AK2: variants seen among roughly 807,000 people sequenced by gnomAD.
The protein encoded by AK2 is adenylate kinase 2, also known as adenylate kinase 2, mitochondrial.
In AK2, 15 loss-of-function variants were observed where a neutral mutation model predicts 24.6. The observed-to-expected ratio is 0.61, with a 90% CI of 0.41 to 0.94. The LOEUF is 0.94. AK2 is among the 40% of genes least tolerant of loss of function. The probability of loss-of-function intolerance (pLI) is 0.00; values close to 1 mark genes in which losing one functional copy is unlikely to be tolerated. For missense variants in AK2, 257 were observed against 304.1 expected (o/e 0.85, Z 1.15); for synonymous variants, 102 against 114.0 (o/e 0.90, Z 0.67).
chr1:33,020,283 T>A, intron 4 of AK2: 2 of 768,312 alleles, frequency 2.6e-6, no homozygotes, highest in South Asian at 1.8e-5. Flanking sequence ...TTTGTACAGA[T>A]GGTTATATTA....
chr1:33,010,933 A>G lies in AK2; in HGVS notation c.*2248T>C, dbSNP rs1055154777. The G allele has an allele frequency of 8.8e-6, 14 of 1,586,454 alleles. No homozygotes were observed. The African/African-American group carries it at 1.5e-4, about 17-fold the overall frequency. On this transcript the variant is annotated 3_prime_UTR_variant, in exon 6 of 6. Coordinates refer to ENST00000672715, the MANE Select transcript of AK2 (RefSeq NM_001625.4). ...GTAAGCCCCAGCAACCAAATGCATT[A>G]AACACTGGACATTTCTGTGACAGGT...
chr1:33,024,903 C>A (rs1639777276), intron 1 of AK2, among the ~76,000 whole-genome samples: 1 of 152,142 alleles, frequency 6.6e-6, no homozygotes, highest in Non-Finnish European at 1.5e-5. Context: ...AATGGGAAGA[C>A]TTGCTGGGCA....
rs1208015844 is a variant in AK2 at position 33,012,349 on chromosome 1, GA to G, written c.*831del. ...GTGCCTTTTTCCTTCCACCTAGGGG[GA>G]AAAAATTAATGATCCCTGTTCACAC... On this transcript the variant is annotated 3_prime_UTR_variant, in exon 6 of 6. Transcript: ENST00000672715. 15 of 1,528,760 alleles carry G rather than the reference GA, an allele frequency of 9.8e-6. No individual in the cohort carries two copies. In the East Asian group the frequency reaches 3.0e-4, roughly 30 times the overall value. 94.7% of individuals were successfully genotyped at this position (1,528,760 alleles called of 1,614,324 possible). A position where few individuals can be genotyped will look rare whatever the true frequency, so the allele number is the denominator to read the frequency against.
chr1:33,008,964 T>C lies in AK2; in HGVS notation c.*4217A>G, dbSNP rs1334541862. 4.4e-6 allele frequency: 2 copies of C among 453,934 alleles called. No homozygotes were observed. The highest frequency in any genetic ancestry group is 6.9e-5 in the East Asian group (1 of 14,410). 28.1% of individuals were successfully genotyped at this position (453,934 alleles called of 1,614,324 possible). ...TGACAAACATTTCCCCACAATTAGA[T>C]GCATGATGACCAAGGGAGGAAAGAA... On this transcript the variant is annotated 3_prime_UTR_variant, in exon 6 of 6. Transcript: ENST00000672715.
rs574939661 is a variant in AK2 at position 33,014,336 on chromosome 1, C to A, written c.498+186G>T. On this transcript the variant is annotated intron_variant, in intron 5 of 5. Coordinates refer to ENST00000672715, the MANE Select transcript of AK2 (RefSeq NM_001625.4). ...AGCAACCTTGAGGCCAAGCAATAAA[C>A]CACCTGAGGAGACACTGAATAGATC... The A allele has an allele frequency of 2.8e-5, 15 of 541,916 alleles. No homozygotes were observed. The East Asian group carries it at 5.7e-4, about 21-fold the overall frequency. The allele number at this position is 541,916 out of a possible 1,614,324, so 33.6% of individuals were successfully genotyped here. A position where few individuals can be genotyped will look rare whatever the true frequency, so the allele number is the denominator to read the frequency against.
chr1:33,018,342 CG>C (rs1481200540), intron 4 of AK2, among the ~76,000 whole-genome samples: 2 of 151,988 alleles, frequency 1.3e-5, no homozygotes, highest in Non-Finnish European at 2.9e-5. Flanking sequence ...GTGTGAGGTC[CG>C]GGGTGCATTC....
chr1:33,014,441 TG>T, intron 5 of AK2, 80 bp downstream of exon 5: 1 of 1,115,146 alleles, frequency 9.0e-7, no homozygotes, highest in Non-Finnish European at 1.4e-6. Flanking sequence ...AAAAGGAAGA[TG>T]GAAAGAATAA....
In AK2 at chr1:33,035,490, G is replaced by A. The variant is rs1381469239; in HGVS notation, c.93+1246C>T. Among the ~76,000 whole-genome samples, 6 of 152,298 alleles carry A rather than the reference G, an allele frequency of 3.9e-5. No individual in the cohort carries two copies. In the East Asian group the frequency reaches 9.6e-4, roughly 24 times the overall value. On this transcript the variant is annotated intron_variant, in intron 1 of 5. Transcript: ENST00000672715. ...CTAGGAAGAGAAAAGCGGGCACAGG[G>A]CAGTCCTCAGATTCCCTTTCATTTG... is the stretch of plus-strand genomic sequence containing the variant.
chr1:33,014,454 G>T, intron 5 of AK2, 68 bp downstream of exon 5: 2 of 1,276,770 alleles, frequency 1.6e-6, no homozygotes, highest in African/African-American at 1.5e-5. Flanking sequence ...AAAGAATAAA[G>T]GAAAAAGAAA....
In AK2 at chr1:33,011,754, C is replaced by T; in HGVS notation, c.*1427G>A. 2 of 1,391,186 alleles carry T rather than the reference C, an allele frequency of 1.4e-6. No homozygotes were observed. Among genetic ancestry groups the T allele is most frequent in the Non-Finnish European group, 1.9e-6 (2 of 1,056,804 alleles). The allele number at this position is 1,391,186 out of a possible 1,614,324, so 86.2% of individuals were successfully genotyped here. On this transcript the variant is annotated 3_prime_UTR_variant, in exon 6 of 6. Transcript: ENST00000672715. ...ACCAGAGACCAAAAGACAGCAGGGA[C>T]CTTAGAAAATGCTCAATAGTTGGGA...
Position 33,010,885 on chromosome 1 carries a change from T to C in AK2, c.*2296A>G. On this transcript the variant is annotated 3_prime_UTR_variant, in exon 6 of 6. Transcript: ENST00000672715. ...ACAAAATGGGTTTTTAAAAACCAAG[T>C]ACATATCAGAGGAGGCTGGCATGTA... The C allele has an allele frequency of 1.2e-6, 2 of 1,613,204 alleles. No individual in the cohort carries two copies. The highest frequency in any genetic ancestry group is 2.2e-5 in the East Asian group (1 of 44,876).
Position 33,010,689 on chromosome 1 carries a change from C to T in AK2, c.*2492G>A. ...CACTACAATAACACTGCTGTTGTTCCAAGTATTCCTCTGAGCCCCTCACCA... is the reference window on the plus strand; with the variant it reads ...CACTACAATAACACTGCTGTTGTTCTAAGTATTCCTCTGAGCCCCTCACCA... On this transcript the variant is annotated 3_prime_UTR_variant, in exon 6 of 6. Coordinates refer to ENST00000672715, the MANE Select transcript of AK2 (RefSeq NM_001625.4). The T allele has an allele frequency of 4.4e-6, 7 of 1,600,108 alleles. No individual in the cohort carries two copies. Among genetic ancestry groups the T allele is most frequent in the Non-Finnish European group, 6.0e-6 (7 of 1,171,786 alleles).
At chr1:33,024,296 G>A in intron 2 of AK2, 146 bp downstream of exon 2, 2 of 1,129,070 alleles carry the variant, frequency 1.8e-6, no homozygotes, top group Non-Finnish European at 2.6e-6. Flanking sequence ...GTAAATACTT[G>A]AAATATGGCT....
intron 2 of AK2, 110 bp downstream of exon 2, chr1:33,024,332 C>T (rs1482240846): frequency 2.8e-6 from 4 of 1,430,472 alleles, no homozygotes; most frequent in African/African-American, 2.8e-5. Flanking sequence ...CTGATTTTTA[C>T]ATTAATTAAA....
Position 33,008,104 on chromosome 1 carries a change from G to A in AK2, c.*5077C>T, listed in dbSNP as rs1022951986. 1.5e-5 allele frequency: 7 copies of A among 453,996 alleles called. No individual in the cohort carries two copies. Among genetic ancestry groups the A allele is most frequent in the Non-Finnish European group, 2.6e-5 (6 of 226,830 alleles). The allele number at this position is 453,996 out of a possible 1,614,324, so 28.1% of individuals were successfully genotyped here. ...GGGGATCCTTAGCCTGGTTCCGGATGGTCAGTAAGACAACTTTCTTCAATG... is the reference window on the plus strand; with the variant it reads ...GGGGATCCTTAGCCTGGTTCCGGATAGTCAGTAAGACAACTTTCTTCAATG... On this transcript the variant is annotated 3_prime_UTR_variant, in exon 6 of 6. Coordinates refer to ENST00000672715, the MANE Select transcript of AK2 (RefSeq NM_001625.4).
intron 1 of AK2, among the ~76,000 whole-genome samples, chr1:33,029,861 C>G (rs1405449644): frequency 6.6e-6 from 1 of 152,222 alleles, no homozygotes; most frequent in Non-Finnish European, 1.5e-5. Context: ...CTTTGTGCCT[C>G]CAGTCTTTGT....
Position 33,012,883 on chromosome 1 carries a change from G to A in AK2, c.*298C>T, listed in dbSNP as rs898738834. ...ACTGCACTCCAGCCAGGGTGGCAGA[G>A]CGAAACCTTGTCTCAAAACAACAAC... On this transcript the variant is annotated 3_prime_UTR_variant, in exon 6 of 6. Coordinates refer to ENST00000672715, the MANE Select transcript of AK2 (RefSeq NM_001625.4). The A allele has an allele frequency of 2.2e-6, 3 of 1,336,082 alleles. No individual in the cohort carries two copies. Among genetic ancestry groups the A allele is most frequent in the Admixed American group, 2.2e-5 (1 of 44,918 alleles). 82.8% of individuals were successfully genotyped at this position (1,336,082 alleles called of 1,614,324 possible).
intron 4 of AK2, among the ~76,000 whole-genome samples, chr1:33,020,521 G>A (rs1221650109): frequency 6.6e-6 from 1 of 152,156 alleles, no homozygotes; most frequent in Non-Finnish European, 1.5e-5. Context: ...CCTCAGAGAG[G>A]TTAAGAAATG....
At position 33,010,622 on chromosome 1, in the gene AK2, T is replaced by C. The variant is rs1313761721; in HGVS notation, c.*2559A>G. 9.7e-7 allele frequency: 1 copy of C among 1,028,540 alleles called. No homozygotes were observed. Among genetic ancestry groups the C allele is most frequent in the Admixed American group, 2.3e-5 (1 of 42,666 alleles). 63.7% of individuals were successfully genotyped at this position (1,028,540 alleles called of 1,614,324 possible). The stretch of plus-strand genomic sequence containing the variant: ...TTTTTTAAAAAATTAATTTTTCCCT[T>C]ACACTTTAAAAACTCTCACCTATGT... On this transcript the variant is annotated 3_prime_UTR_variant, in exon 6 of 6. Coordinates refer to ENST00000672715, the MANE Select transcript of AK2 (RefSeq NM_001625.4).
Sources: allele counts gnomAD v4.1 joint callset (sites outside exome capture counted in the v4.1 genomes callset), GRCh38; gene constraint gnomAD v4.1.1; transcripts MANE v1.5; gene names NCBI Gene and HGNC (gene_info 2026-07-23, HGNC 2026-07-21).